The following VPS13C variants were observed in gnomAD, a reference collection of about 807,000 sequenced individuals.
The protein encoded by VPS13C is intermembrane lipid transfer protein VPS13C.
A neutral mutation model predicts 456.8 loss-of-function variants in VPS13C; 358 were observed. The ratio of observed to expected loss-of-function variants is 0.78; its 90% CI spans 0.72 to 0.86. VPS13C has a LOEUF of 0.86. Among genes scored for constraint, VPS13C ranks in the 40% least tolerant of loss-of-function variants. The pLI, the probability that VPS13C is intolerant of heterozygous loss-of-function variation, is 0.00. For synonymous variants in VPS13C, 1,578 were observed against 1,486.7 expected (o/e 1.06, Z -1.41); for missense variants, 4,818 against 4,385.4 (o/e 1.10, Z -2.79).
At chr15:62,029,201 A>C (rs2140623991) in intron 5 of VPS13C, among the ~76,000 whole-genome samples, 1 of 152,186 alleles carries the variant, frequency 6.6e-6, no homozygotes, top group East Asian at 1.9e-4. Context: ...TGGCAACAAA[A>C]ATAGCACCTA....
chr15:61,873,942 G>C (rs1895220148), intron 77 of VPS13C, among the ~76,000 whole-genome samples: 1 of 142,610 alleles, frequency 7.0e-6, no homozygotes, highest in East Asian at 2.0e-4. Context: ...ACGGATGAAT[G>C]GATAAAGAAA....
intron 9 of VPS13C, among the ~76,000 whole-genome samples, chr15:62,015,928 T>G (rs1459669407): frequency 1.7e-3 from 150 of 89,456 alleles, no homozygotes; most frequent in Non-Finnish European, 2.7e-3. Flanking sequence ...AAACTTAGAG[T>G]ATAATAAAAA....
intron 27 of VPS13C, 91 bp from the exon 28 acceptor site, chr15:61,969,543 A>C: frequency 1.2e-6 from 1 of 800,052 alleles, no homozygotes. Context: ...ACACATCACC[A>C]TGAGAATAGT....
chr15:61,971,954 T>C (rs2045568768), intron 27 of VPS13C, among the ~76,000 whole-genome samples: 1 of 152,218 alleles, frequency 6.6e-6, no homozygotes, highest in Non-Finnish European at 1.5e-5. Context: ...TCTATCCTTT[T>C]TGTTTTATTA....
Position 61,983,875 on chromosome 15 carries a change from G to C in VPS13C, c.1859C>G (p.Pro620Arg). 1.2e-6 allele frequency: 2 copies of C among 1,614,116 alleles called. No individual in the cohort carries two copies. The highest frequency in any genetic ancestry group is 1.7e-6 in the Non-Finnish European group (2 of 1,180,010). ...CTGAACAATCAGAGTCTGGTCAGCA[G>C]GACTATCCTCCGGATTGGTTTCAAA... ...IKFETNPEDS[P>R]ADQTLIVQSQ... Residue 620 changes from proline to arginine, a missense_variant, in exon 20 of 85, where the codon CCT becomes CGT. Pro to Arg is a moderately radical substitution (Grantham distance 103). Around this residue, in one of 3 missense-constraint regions of VPS13C, gnomAD observed 4,552 missense variants for 4,130.6 expected, o/e 1.10. Transcript: ENST00000644861.
chr15:61,912,937 C>T (rs562780685), intron 62 of VPS13C, among the ~76,000 whole-genome samples: 2 of 151,210 alleles, frequency 1.3e-5, no homozygotes, highest in Admixed American at 6.6e-5. Context: ...AAAATGCTCA[C>T]CATCACCGGC....
At position 61,907,215 on chromosome 15, in the gene VPS13C, C is replaced by T. The variant is rs552530424; in HGVS notation, c.9105+49G>A. 26 of 1,610,318 alleles carry T rather than the reference C, an allele frequency of 1.6e-5. 1 individual carries two copies. Among genetic ancestry groups the T allele is most frequent in the East Asian group, 1.6e-4 (7 of 44,798 alleles). On this transcript the variant is annotated intron_variant, in intron 66 of 84. Coordinates refer to ENST00000644861, the MANE Select transcript of VPS13C (RefSeq NM_020821.3). ...GTCAGTGAAGATAGCTTCTCTACTT[C>T]CTTCACTGTCAGGTAACTCATATAG...
intron 1 of VPS13C, among the ~76,000 whole-genome samples, chr15:62,049,546 G>A (rs373592546): frequency 5.3e-5 from 8 of 152,202 alleles, no homozygotes; most frequent in East Asian, 1.9e-4. Flanking sequence ...TGATGTCTCC[G>A]GCTTTGTTCT....
chr15:62,044,769 A>T (rs2048351309), intron 1 of VPS13C, among the ~76,000 whole-genome samples: 1 of 152,116 alleles, frequency 6.6e-6, no homozygotes, highest in South Asian at 2.1e-4. Flanking sequence ...TCCAACTTTT[A>T]TTATATTCAT....
intron 79 of VPS13C, among the ~76,000 whole-genome samples, chr15:61,871,742 G>A (rs1402272573): frequency 6.6e-6 from 1 of 152,036 alleles, no homozygotes; most frequent in Non-Finnish European, 1.5e-5. Flanking sequence ...TTGCTACTGA[G>A]GACCCAAACA....
intron 49 of VPS13C, among the ~76,000 whole-genome samples, chr15:61,931,952 G>A (rs2044073678): frequency 6.6e-6 from 1 of 152,130 alleles, no homozygotes; most frequent in Non-Finnish European, 1.5e-5. Flanking sequence ...ACAAGAAAGA[G>A]TAAGGCATGG....
At chr15:62,044,610 T>C (rs2048346160) in intron 1 of VPS13C, among the ~76,000 whole-genome samples, 1 of 152,138 alleles carries the variant, frequency 6.6e-6, no homozygotes, top group Non-Finnish European at 1.5e-5. Context: ...TATAAAGAGA[T>C]GATTACAAGG....
rs531016364 is a variant in VPS13C, at chr15:61,991,794, C to A, written c.1362G>T (p.Arg454=). ...ARQQAQVEVI[R]SGQKLRKKSA... is the part of the protein sequence containing the mutation. ...ACTTTTTCCTTAATTTTTGCCCAGA[C>A]CGAATCACCTGAAAAATAAAAATTA... The change falls in exon 17 of 85, where the codon CGG becomes CGT. Residue 454 remains arginine (R), a synonymous_variant. Transcript: ENST00000644861. 6.2e-7 allele frequency: 1 copy of A among 1,609,562 alleles called. No homozygotes were observed. Among genetic ancestry groups the A allele is most frequent in the South Asian group, 1.1e-5 (1 of 89,956 alleles).
chr15:62,028,231 GA>G, intron 6 of VPS13C, 126 bp downstream of exon 6: 1 of 946,136 alleles, frequency 1.1e-6, no homozygotes, highest in Non-Finnish European at 1.6e-6. Flanking sequence ...GGTAGAGGGG[GA>G]AAACAAAAAT....
chr15:62,014,023 G>A (rs372137228), intron 9 of VPS13C, 31 bp from the exon 10 acceptor site: 50 of 1,553,600 alleles, frequency 3.2e-5, no homozygotes, highest in Admixed American at 2.1e-4. Context: ...CCTGTGAAAC[G>A]TGGTATGGAT....
Position 61,867,046 on chromosome 15 carries a change from T to G in VPS13C, c.10863+1613A>C. ...AAGAGGATACTAATTTCAAAAATAATGATTATAATTATTTTTTCTCTAAGA... is the reference window on the plus strand; with the variant it reads ...AAGAGGATACTAATTTCAAAAATAAGGATTATAATTATTTTTTCTCTAAGA... On this transcript the variant is annotated intron_variant, in intron 81 of 84. Transcript: ENST00000644861. The surrounding 1 kb of genome is among the most constrained non-coding windows in gnomAD (Gnocchi z 5.0). The G allele has an allele frequency of 2.2e-6, 2 of 917,988 alleles. No individual in the cohort carries two copies. The highest frequency in any genetic ancestry group is 2.6e-6 in the Non-Finnish European group (2 of 768,338). The allele number at this position is 917,988 out of a possible 1,614,324, so 56.9% of individuals were successfully genotyped here.
At chr15:61,928,667 C>T (rs2043950553) in intron 51 of VPS13C, among the ~76,000 whole-genome samples, 1 of 151,798 alleles carries the variant, frequency 6.6e-6, no homozygotes, top group Non-Finnish European at 1.5e-5. Context: ...ATTGCTTGAG[C>T]CTAGGAGTTT....
intron 81 of VPS13C, chr15:61,865,195 C>G (rs1566954626): frequency 1.0e-6 from 1 of 984,482 alleles, no homozygotes. Context: ...TTGCAAAAGC[C>G]CTTTACCCAG....
At chr15:62,042,091 A>T (rs1023048666) in intron 2 of VPS13C, among the ~76,000 whole-genome samples, 3 of 152,176 alleles carry the variant, frequency 2.0e-5, no homozygotes, top group Non-Finnish European at 4.4e-5. Flanking sequence ...TCTCTCAAAT[A>T]TTTAGTAAAT....
Sources: gnomAD v4.1 joint callset for allele counts (sites outside exome capture counted in the v4.1 genomes callset) on GRCh38, gnomAD v4.1.1 for gene constraint, gnomAD v4.1.1 regional missense constraint, Gnocchi (gnomAD v3.1) non-coding constraint, MANE v1.5 for transcripts, NCBI Gene and HGNC (gene_info 2026-07-23, HGNC 2026-07-21) for gene names.